The following USH2A variants were observed in gnomAD, a reference collection of about 807,000 sequenced individuals.
The protein encoded by USH2A is Usher syndrome 2A (autosomal recessive, mild).
In USH2A, 443 loss-of-function variants were observed where a neutral mutation model predicts 538.9. That is an observed-to-expected ratio of 0.82 (90% confidence interval 0.76 to 0.89). The LOEUF is 0.89. Among genes scored for constraint, USH2A ranks in the 40% least tolerant of loss-of-function variants. USH2A has a pLI of 0.00. For synonymous variants in USH2A, 2,413 were observed against 2,273.5 expected (o/e 1.06, Z -1.75); for missense variants, 6,633 against 6,324.8 (o/e 1.05, Z -1.65).
In USH2A at chr1:216,349,040, G is replaced by A. The variant is rs73100631; in HGVS notation, c.784+15913C>T. On this transcript the variant is annotated intron_variant, in intron 4 of 71. Transcript: ENST00000307340. ...ATTTTATTTATTTTGCTTTACTGCT[G>A]CGGAATGTATTGCTGTTATACTCTT... Among the ~76,000 whole-genome samples, 1,057 of 152,192 alleles carry A rather than the reference G, an allele frequency of 6.9e-3. 9 individuals carry two copies. Among genetic ancestry groups the A allele is most frequent in the African/African-American group, 0.024 (1,006 of 41,532 alleles).
At chr1:215,927,580 T>A (rs979966195) in intron 38 of USH2A, among the ~76,000 whole-genome samples, 1 of 152,066 alleles carries the variant, frequency 6.6e-6, no homozygotes, top group Admixed American at 6.6e-5. Context: ...TCACAATAGA[T>A]AAGTTAATTG....
At chr1:216,028,180 G>T (rs1269351486) in intron 32 of USH2A, among the ~76,000 whole-genome samples, 1 of 152,092 alleles carries the variant, frequency 6.6e-6, no homozygotes, top group Non-Finnish European at 1.5e-5. Context: ...TTGAGGTCAG[G>T]AGTTCGAGAC....
chr1:216,307,339 A>C (rs1327766025), intron 9 of USH2A, among the ~76,000 whole-genome samples: 1 of 152,028 alleles, frequency 6.6e-6, no homozygotes, highest in Non-Finnish European at 1.5e-5. Flanking sequence ...GGTCACCAGG[A>C]AAGTAGGGGA....
At chr1:216,250,730 G>A (rs1005410472) in intron 12 of USH2A, among the ~76,000 whole-genome samples, 173 bp downstream of exon 12, 2 of 152,088 alleles carry the variant, frequency 1.3e-5, no homozygotes, top group African/African-American at 4.8e-5. Flanking sequence ...GCTGCAGTTT[G>A]ATAGAATTAT....
At chr1:216,335,581 A>T (rs1192005668) in intron 4 of USH2A, among the ~76,000 whole-genome samples, 1 of 151,566 alleles carries the variant, frequency 6.6e-6, no homozygotes, top group African/African-American at 2.4e-5. Flanking sequence ...ATCAGGAATT[A>T]AAAAAGGGAA....
At chr1:215,977,253 T>G (rs376500562) in intron 35 of USH2A, among the ~76,000 whole-genome samples, 2 of 152,240 alleles carry the variant, frequency 1.3e-5, no homozygotes, top group East Asian at 3.9e-4. Flanking sequence ...AGTTTGTTCT[T>G]CTAGGTGAGA....
chr1:216,287,425 A>G (rs2036907560), intron 11 of USH2A, among the ~76,000 whole-genome samples: 1 of 152,226 alleles, frequency 6.6e-6, no homozygotes. Flanking sequence ...AGCCAGTAGT[A>G]TGCTGGAGTA....
intron 32 of USH2A, among the ~76,000 whole-genome samples, chr1:216,005,657 G>T (rs1218564483): frequency 6.6e-6 from 1 of 151,934 alleles, no homozygotes; most frequent in Non-Finnish European, 1.5e-5. Context: ...GCCAATGTAG[G>T]GGTCTATAGT....
At chr1:216,377,120 C>T (rs1558061324) in intron 3 of USH2A, among the ~76,000 whole-genome samples, 1 of 152,058 alleles carries the variant, frequency 6.6e-6, no homozygotes, top group Non-Finnish European at 1.5e-5. Context: ...AAATGAAGAG[C>T]CATGTTAAAC....
At chr1:215,845,686 T>G in intron 45 of USH2A, 138 bp downstream of exon 45, 1 of 832,320 alleles carries the variant, frequency 1.2e-6, no homozygotes, top group South Asian at 1.5e-5. Flanking sequence ...AGTGAGCACT[T>G]AAGCATTTTA....
intron 3 of USH2A, among the ~76,000 whole-genome samples, chr1:216,398,258 A>G (rs1267271579): frequency 1.3e-5 from 2 of 152,146 alleles, no homozygotes; most frequent in South Asian, 2.1e-4. Flanking sequence ...AACAAAACAA[A>G]TAAGTGTAAG....
At chr1:216,041,851 T>C (rs2030291400) in intron 32 of USH2A, among the ~76,000 whole-genome samples, 1 of 152,090 alleles carries the variant, frequency 6.6e-6, no homozygotes, top group South Asian at 2.1e-4. Context: ...ATAACTTTTT[T>C]TTTTGTAAAA....
intron 32 of USH2A, among the ~76,000 whole-genome samples, chr1:216,015,818 C>T (rs12759256): frequency 0.61 from 93,004 of 151,990 alleles, 28,801 homozygotes; most frequent in East Asian, 0.75. Context: ...AGAAATACCA[C>T]TTGACCTAGC....
At chr1:216,290,163 A>G (rs1335395993) in intron 10 of USH2A, among the ~76,000 whole-genome samples, 1 of 152,146 alleles carries the variant, frequency 6.6e-6, no homozygotes, top group Admixed American at 6.5e-5. Context: ...CTGAAGTAGA[A>G]CTCAAGACTA....
At chr1:216,067,577 G>A (rs945097645) in intron 30 of USH2A, among the ~76,000 whole-genome samples, 9 of 152,128 alleles carry the variant, frequency 5.9e-5, no homozygotes, top group African/African-American at 2.2e-4. Context: ...GTTTGGGCTG[G>A]CCAGTAGATT....
At chr1:216,142,599 A>G (rs1451894438) in intron 21 of USH2A, among the ~76,000 whole-genome samples, 2 of 152,100 alleles carry the variant, frequency 1.3e-5, no homozygotes, top group African/African-American at 4.8e-5. Flanking sequence ...CTGAAATTCC[A>G]TTTTCTCAGC....
At chr1:215,657,352 C>A (rs183108471) in intron 64 of USH2A, among the ~76,000 whole-genome samples, 3 of 152,238 alleles carry the variant, frequency 2.0e-5, no homozygotes, top group South Asian at 2.1e-4. Flanking sequence ...TTGCTGGAAT[C>A]GCGGTTAAAG....
chr1:216,307,734 G>T (rs1402571010), intron 9 of USH2A, among the ~76,000 whole-genome samples: 1 of 152,108 alleles, frequency 6.6e-6, no homozygotes, highest in Admixed American at 6.6e-5. Context: ...TTTTCCTGGG[G>T]GCTGAGAGAG....
chr1:215,815,162 C>T (rs1354052379), intron 48 of USH2A, among the ~76,000 whole-genome samples: 2 of 151,792 alleles, frequency 1.3e-5, no homozygotes, highest in African/African-American at 2.4e-5. Context: ...TCTCTTTTAC[C>T]GCAATACCTG....
Sources: allele counts gnomAD v4.1 joint callset (sites outside exome capture counted in the v4.1 genomes callset), GRCh38; gene constraint gnomAD v4.1.1; transcripts MANE v1.5; gene names NCBI Gene and HGNC (gene_info 2026-07-23, HGNC 2026-07-21).